CATSPERD: variants seen among roughly 807,000 people sequenced by gnomAD.
The protein encoded by CATSPERD is catsper channel auxiliary subunit delta, also known as cation channel sperm-associated auxiliary subunit delta.
Under a neutral mutation model 98.1 loss-of-function variants are expected in CATSPERD, and 86 were observed. The observed-to-expected ratio is 0.88, with a 90% CI of 0.74 to 1.05. The LOEUF is 1.05. Ranked by LOEUF, CATSPERD falls within the 50% of genes least tolerant of loss-of-function variation. The pLI, the probability that CATSPERD is intolerant of heterozygous loss-of-function variation, is 0.00. For synonymous variants in CATSPERD, 394 were observed against 390.2 expected (o/e 1.01, Z -0.12); for missense variants, 995 against 1,005.7 (o/e 0.99, Z 0.14).
chr19:5,722,736 C>G lies in CATSPERD; in HGVS notation c.71+1928C>G, dbSNP rs899757208. Among the ~76,000 whole-genome samples the G allele has an allele frequency of 8.6e-4, 131 of 151,772 alleles. 1 individual carries two copies. Among genetic ancestry groups the G allele is most frequent in the African/African-American group, 2.9e-3 (120 of 41,370 alleles). On this transcript the variant is annotated intron_variant, in intron 1 of 21. Transcript: ENST00000381624. The stretch of plus-strand genomic sequence containing the variant: ...CAAACGGTGGTTTATCAAGACCCCC[C>G]CCCCCGCAACCCCGGTGATTCTGAT...
Position 5,733,855 on chromosome 19 carries a change from G to T in CATSPERD, c.277-1G>T. On this transcript the variant is annotated splice_acceptor_variant, in intron 4 of 21. Transcript: ENST00000381624. LOFTEE classifies it high-confidence loss of function. ...GATATCATCCATATGATAACTTTTA[G>T]GTCGGCGTACCAGAAGTGACATCAG... The T allele has an allele frequency of 1.2e-6, 2 of 1,603,164 alleles. No homozygotes were observed. The highest frequency in any genetic ancestry group is 3.3e-4 in the Middle Eastern group (2 of 6,016).
intron 1 of CATSPERD, among the ~76,000 whole-genome samples, chr19:5,723,875 C>A (rs2055551627): frequency 6.6e-6 from 1 of 151,688 alleles, no homozygotes; most frequent in African/African-American, 2.4e-5. Context: ...CTCCCGGGTT[C>A]AAGCGATTCT....
intron 1 of CATSPERD, 112 bp from the exon 2 acceptor site, chr19:5,724,695 TC>T (rs923790197): frequency 4.7e-6 from 5 of 1,067,718 alleles, no homozygotes; most frequent in Non-Finnish European, 7.2e-6. Flanking sequence ...TGAGACTCCG[TC>T]CCCCCCAAAA....
In CATSPERD at chr19:5,766,233, T is replaced by A. The variant is rs574301327; in HGVS notation, c.1559+78T>A. 352 of 1,239,098 alleles carry A rather than the reference T, an allele frequency of 2.8e-4. 3 individuals carry two copies. In the South Asian group the frequency reaches 4.8e-3, roughly 17 times the overall value. 76.8% of individuals were successfully genotyped at this position (1,239,098 alleles called of 1,614,324 possible). ...TGGGAGGCCGAGGTGGGCAGATCAC[T>A]TCAGGTCAGGAGTTCAAGACCAGCC... On this transcript the variant is annotated intron_variant, in intron 17 of 21. Coordinates refer to ENST00000381624, the MANE Select transcript of CATSPERD (RefSeq NM_152784.4).
At chr19:5,731,172 C>T (rs181983180) in intron 4 of CATSPERD, among the ~76,000 whole-genome samples, 1 of 151,602 alleles carries the variant, frequency 6.6e-6, no homozygotes, top group Admixed American at 6.6e-5. Flanking sequence ...ATTATACCAT[C>T]GACACCTATG....
intron 4 of CATSPERD, among the ~76,000 whole-genome samples, chr19:5,733,457 C>G (rs927555220): frequency 1.4e-5 from 2 of 146,644 alleles, no homozygotes; most frequent in African/African-American, 2.5e-5. Context: ...TTCTCTCTCT[C>G]TCTATTTCTT....
chr19:5,728,356 C>CAAAAAAAAAAAAAAAAAAA (rs564166119), intron 3 of CATSPERD, among the ~76,000 whole-genome samples: 2 of 80,946 alleles, frequency 2.5e-5, no homozygotes, highest in Admixed American at 1.4e-4. Context: ...GACTCTGTCT[C>CAAAAAAAAAAAAAAAAAAA]AAAAAAAAAA....
At chr19:5,737,007 G>T in intron 5 of CATSPERD, 131 bp from the exon 6 acceptor site, 1 of 521,116 alleles carries the variant, frequency 1.9e-6, no homozygotes, top group South Asian at 2.1e-5. Context: ...CAGTGAGCCA[G>T]GATCACGCCA....
At chr19:5,761,391 C>T (rs999345356) in intron 15 of CATSPERD, among the ~76,000 whole-genome samples, 1 of 38,906 alleles carries the variant, frequency 2.6e-5, no homozygotes, top group East Asian at 5.3e-4. Context: ...CATGAACCAC[C>T]GCACCCGGCC....
At chr19:5,772,721 C>A in intron 19 of CATSPERD, 67 bp from the exon 20 acceptor site, 1 of 1,527,100 alleles carries the variant, frequency 6.5e-7, no homozygotes, top group Admixed American at 1.9e-5. Context: ...GTCCAGGTGG[C>A]TGTGGCCCGG....
At chr19:5,755,911 GT>G (rs1322963888) in intron 13 of CATSPERD, among the ~76,000 whole-genome samples, 16 of 152,144 alleles carry the variant, frequency 1.1e-4, no homozygotes, top group Non-Finnish European at 2.2e-4. Context: ...AGCCCAGGAG[GT>G]TGAGGCTGCA....
chr19:5,757,297 C>CT (rs77064500), intron 13 of CATSPERD, among the ~76,000 whole-genome samples: 21 of 119,424 alleles, frequency 1.8e-4, no homozygotes, highest in Non-Finnish European at 2.5e-4. Flanking sequence ...TTTTCAACTT[C>CT]TTTTTTTTTT....
chr19:5,770,686 T>C (rs2056627596), intron 18 of CATSPERD, among the ~76,000 whole-genome samples: 1 of 151,688 alleles, frequency 6.6e-6, no homozygotes, highest in Non-Finnish European at 1.5e-5. Flanking sequence ...GAGGCTGAGG[T>C]GAGAGGATTG....
chr19:5,776,150 G>A lies in CATSPERD; in HGVS notation c.1942-11G>A, dbSNP rs565916688. 6.2e-7 allele frequency: 1 copy of A among 1,613,656 alleles called. No individual in the cohort carries two copies. The highest frequency in any genetic ancestry group is 1.3e-5 in the African/African-American group (1 of 75,042). Reference sequence around the variant, plus strand: ...CCCTAGGGCCAGTGGGCATGTCTCTGTCCCCCACAGAACTATGTGAGCTGC... The same window carrying A: ...CCCTAGGGCCAGTGGGCATGTCTCTATCCCCCACAGAACTATGTGAGCTGC... On this transcript the variant is annotated splice_polypyrimidine_tract_variant and intron_variant, in intron 20 of 21. Coordinates refer to ENST00000381624, the MANE Select transcript of CATSPERD (RefSeq NM_152784.4).
At chr19:5,722,730 ACC>A (rs34338163) in intron 1 of CATSPERD, among the ~76,000 whole-genome samples, 4,298 of 139,490 alleles carry the variant, frequency 0.031, 108 homozygotes, top group Non-Finnish European at 0.041. Flanking sequence ...GTTTATCAAG[ACC>A]CCCCCCCCCG....
chr19:5,735,069 G>GA (rs1280159586), intron 5 of CATSPERD, among the ~76,000 whole-genome samples: 3 of 152,102 alleles, frequency 2.0e-5, no homozygotes, highest in African/African-American at 7.2e-5. Flanking sequence ...GAAAAGAAGA[G>GA]GATCGCCTGA....
Position 5,773,221 on chromosome 19 carries a change from G to A in CATSPERD, c.1941+256G>A, listed in dbSNP as rs146125065. Among the ~76,000 whole-genome samples, 764 of 152,188 alleles carry A rather than the reference G, an allele frequency of 5.0e-3. 22 individuals are homozygous for A. Among genetic ancestry groups the A allele is most frequent in the East Asian group, 2.5e-3 (13 of 5,174 alleles). On this transcript the variant is annotated intron_variant, in intron 20 of 21. Transcript: ENST00000381624. Reference sequence around the variant, plus strand: ...ACAAAAATCAGTCGGGCATGGTGGCGGACACCTGTACTCCCAGCTACTCAG... The same window carrying A: ...ACAAAAATCAGTCGGGCATGGTGGCAGACACCTGTACTCCCAGCTACTCAG...
chr19:5,745,485 G>A (rs1405980928), intron 8 of CATSPERD, among the ~76,000 whole-genome samples: 1 of 152,170 alleles, frequency 6.6e-6, no homozygotes, highest in African/African-American at 2.4e-5. Flanking sequence ...GCCCGGCACG[G>A]TGTCAGGCAC....
At chr19:5,744,763 G>C (rs1384559458) in intron 8 of CATSPERD, among the ~76,000 whole-genome samples, 2 of 151,896 alleles carry the variant, frequency 1.3e-5, no homozygotes, top group African/African-American at 4.8e-5. Context: ...ACCGCGCCTG[G>C]CTAATTTTTG....
Sources: allele counts gnomAD v4.1 joint callset (sites outside exome capture counted in the v4.1 genomes callset), GRCh38; gene constraint gnomAD v4.1.1; transcripts MANE v1.5; gene names NCBI Gene and HGNC (gene_info 2026-07-23, HGNC 2026-07-21).